TAF12: variants seen among roughly 807,000 people sequenced by gnomAD.
TAF12 encodes the protein TATA-box binding protein associated factor 12, also known as transcription initiation factor TFIID subunit 12.
In TAF12, 3 loss-of-function variants were observed where a neutral mutation model predicts 20.8. That is an observed-to-expected ratio of 0.14 (90% CI 0.07 to 0.37). The LOEUF is 0.37. Ranked by LOEUF, TAF12 falls within the 10% of genes least tolerant of loss-of-function variation. The pLI is 1.00. For missense variants in TAF12, 131 were observed against 197.9 expected (o/e 0.66, Z 2.03); for synonymous variants, 69 against 70.2 (o/e 0.98, Z 0.09).
chr1:28,628,061 A>C (rs891878458), intron 1 of TAF12, among the ~76,000 whole-genome samples: 3 of 152,042 alleles, frequency 2.0e-5, no homozygotes, highest in Non-Finnish European at 4.4e-5. Context: ...TACTACAACT[A>C]AGAACAATAA....
At position 28,621,871 on chromosome 1, in the gene TAF12, G is replaced by A. The variant is rs142195845; in HGVS notation, c.168+43C>T. On this transcript the variant is annotated intron_variant, in intron 2 of 5. Coordinates refer to ENST00000373824, the MANE Select transcript of TAF12 (RefSeq NM_005644.4). ...TAAAGTATTACAGATTGAAATAATA[G>A]GTAAGAAGTGGCTACAGAGAAGAAA... is the stretch of plus-strand genomic sequence containing the variant. The A allele has an allele frequency of 1.6e-5, 25 of 1,602,426 alleles. No homozygotes were observed. The African/African-American group carries it at 3.1e-4, about 20-fold the overall frequency.
chr1:28,606,347 C>T (rs755449371), intron 4 of TAF12, among the ~76,000 whole-genome samples: 9 of 152,008 alleles, frequency 5.9e-5, no homozygotes, highest in Non-Finnish European at 1.3e-4. Flanking sequence ...CCATGTTAGC[C>T]AGGCTGGTCT....
At position 28,622,022 on chromosome 1, in the gene TAF12, C is replaced by A; in HGVS notation, c.60G>T (p.Pro20=). Reference sequence around the variant, plus strand: ...CTTGTGGAGGGGTGCTGGCTGGTTCCGGTTTTATGGATGAGAAATTGGAGA... The same window carrying A: ...CTTGTGGAGGGGTGCTGGCTGGTTCAGGTTTTATGGATGAGAAATTGGAGA... ...INLSNFSSIK[P]EPASTPPQGS... Residue 20 remains proline, a synonymous_variant, in exon 2 of 6, where the codon CCG becomes CCT. Transcript: ENST00000373824. The A allele has an allele frequency of 6.2e-7, 1 of 1,613,856 alleles. No individual in the cohort carries two copies. The highest frequency in any genetic ancestry group is 8.5e-7 in the Non-Finnish European group (1 of 1,179,990).
chr1:28,635,579 A>G (rs1000756060), intron 1 of TAF12, among the ~76,000 whole-genome samples: 5 of 151,982 alleles, frequency 3.3e-5, no homozygotes, highest in African/African-American at 4.8e-5. Context: ...TGCTGGGATT[A>G]CAGGCATGAG....
chr1:28,611,578 G>A (rs1485445334), intron 4 of TAF12, among the ~76,000 whole-genome samples: 1 of 151,958 alleles, frequency 6.6e-6, no homozygotes, highest in Admixed American at 6.6e-5. Flanking sequence ...AAAAGGCCAC[G>A]TAAAGACCGT....
rs113059375 is a variant in TAF12, at chr1:28,603,722, C to T, written c.451-148G>A. ...CAGTCACAAGGCATCTCAGTAGATT[C>T]CTTTTAACCAGAGAGCAGTCTGCAA... On this transcript the variant is annotated intron_variant, in intron 5 of 5. Coordinates refer to ENST00000373824, the MANE Select transcript of TAF12 (RefSeq NM_005644.4). 1.6e-4 allele frequency: 121 copies of T among 738,734 alleles called. No individual in the cohort carries two copies. The African/African-American group carries it at 1.9e-3, about 12-fold the overall frequency. 45.8% of individuals were successfully genotyped at this position (738,734 alleles called of 1,614,324 possible). A position where few individuals can be genotyped will look rare whatever the true frequency, so the allele number is the denominator to read the frequency against.
At chr1:28,634,280 G>C (rs1248794260) in intron 1 of TAF12, among the ~76,000 whole-genome samples, 2 of 151,830 alleles carry the variant, frequency 1.3e-5, no homozygotes, top group African/African-American at 4.8e-5. Flanking sequence ...GCCAGGCGTG[G>C]TGGCGCTTGC....
At chr1:28,610,552 C>T (rs1050493049) in intron 4 of TAF12, among the ~76,000 whole-genome samples, 2 of 151,860 alleles carry the variant, frequency 1.3e-5, no homozygotes, top group African/African-American at 4.8e-5. Flanking sequence ...TGGGCTGAAG[C>T]GATCCTCCTG....
At chr1:28,646,767 C>T (rs1668199784), upstream of TAF12, among the ~76,000 whole-genome samples, 2 of 147,904 alleles carry the variant, frequency 1.4e-5, no homozygotes, top group Non-Finnish European at 3.0e-5. Context: ...GGTGCAATCT[C>T]GGCTCACCGC....
intron 2 of TAF12, among the ~76,000 whole-genome samples, chr1:28,620,396 G>A (rs1667177742): frequency 6.6e-6 from 1 of 151,780 alleles, no homozygotes; most frequent in Non-Finnish European, 1.5e-5. Flanking sequence ...GCCTCCCAAA[G>A]TGCTGGGATT....
intron 1 of TAF12, among the ~76,000 whole-genome samples, chr1:28,639,183 G>A (rs980007479): frequency 6.6e-6 from 1 of 151,330 alleles, no homozygotes; most frequent in Non-Finnish European, 1.5e-5. Flanking sequence ...CTGGGAGGCC[G>A]AGGCAGGCAG....
chr1:28,637,368 T>C (rs935887070), intron 1 of TAF12, among the ~76,000 whole-genome samples: 1 of 151,840 alleles, frequency 6.6e-6, no homozygotes, highest in African/African-American at 2.4e-5. Flanking sequence ...CCTTTCAGCA[T>C]TAAAAATCAG....
chr1:28,603,721 T>G, intron 5 of TAF12, 147 bp from the exon 6 acceptor site: 2 of 747,926 alleles, frequency 2.7e-6, no homozygotes, highest in Non-Finnish European at 4.5e-6. Flanking sequence ...CTCAGTAGAT[T>G]CCTTTTAACC....
At chr1:28,638,482 C>A (rs1667918091) in intron 1 of TAF12, among the ~76,000 whole-genome samples, 1 of 147,120 alleles carries the variant, frequency 6.8e-6, no homozygotes, top group Admixed American at 6.9e-5. Context: ...AGCCACCGCG[C>A]CCGGCCTAAT....
At chr1:28,627,489 C>T (rs1667448305) in intron 1 of TAF12, among the ~76,000 whole-genome samples, 2 of 150,998 alleles carry the variant, frequency 1.3e-5, no homozygotes, top group African/African-American at 4.9e-5. Context: ...GTCAGGAGAT[C>T]GAGACCATCC....
chr1:28,645,658 TACA>T (rs778340922), upstream of TAF12, among the ~76,000 whole-genome samples: 77 of 147,320 alleles, frequency 5.2e-4, no homozygotes, highest in Middle Eastern at 7.6e-3. Context: ...CAAACAAAAC[TACA>T]ACAACAACAA....
exon 1 of TAF12, chr1:28,648,240 G>A (rs767844943): frequency 1.5e-4 from 144 of 985,158 alleles, no homozygotes; most frequent in East Asian, 2.3e-4. Flanking sequence ...GCCATGAGAC[G>A]CCTTCTGTCG....
At chr1:28,644,318 C>T (rs1668131084), upstream of TAF12, among the ~76,000 whole-genome samples, 1 of 152,248 alleles carries the variant, frequency 6.6e-6, no homozygotes, top group South Asian at 2.1e-4. Flanking sequence ...ACCCTCTACA[C>T]TGCCACCCAA....
At chr1:28,646,612 C>A (rs987627363), upstream of TAF12, among the ~76,000 whole-genome samples, 10 of 151,894 alleles carry the variant, frequency 6.6e-5, no homozygotes, top group Non-Finnish European at 1.0e-4. Context: ...CTCGCTGCAA[C>A]CTCTGCCTCC....
Sources: allele counts gnomAD v4.1 joint callset (sites outside exome capture counted in the v4.1 genomes callset), GRCh38; gene constraint gnomAD v4.1.1; transcripts MANE v1.5; gene names NCBI Gene and HGNC (gene_info 2026-07-23, HGNC 2026-07-21).